The following NDUFS1 variants were observed in gnomAD, a reference collection of about 807,000 sequenced individuals.
The protein encoded by NDUFS1 is NADH:ubiquinone oxidoreductase core subunit S1, also known as NADH-ubiquinone oxidoreductase 75 kDa subunit, mitochondrial.
In NDUFS1, 61 loss-of-function variants were observed where a neutral mutation model predicts 84.4. That is an observed-to-expected ratio of 0.72 (90% CI 0.59 to 0.89). The LOEUF (loss-of-function observed/expected upper bound fraction) is 0.89. Ranked by LOEUF, NDUFS1 falls within the 40% of genes least tolerant of loss-of-function variation. The pLI, the probability that NDUFS1 is intolerant of heterozygous loss-of-function variation, is 0.00. For synonymous variants in NDUFS1, 275 were observed against 290.0 expected, an observed-to-expected ratio of 0.95 and a Z score of 0.53; for missense variants, 891 against 890.0, an observed-to-expected ratio of 1.00 and a Z score of -0.01.
intron 13 of NDUFS1, among the ~76,000 whole-genome samples, chr2:206,135,540 G>T (rs796450054): frequency 9.2e-5 from 14 of 152,024 alleles, no homozygotes; most frequent in African/African-American, 3.4e-4. Context: ...GGGCATGGTG[G>T]CGTGCGCCTG....
chr2:206,150,031 AT>A, intron 3 of NDUFS1, 106 bp from the exon 4 acceptor site: 1 of 699,694 alleles, frequency 1.4e-6, no homozygotes, highest in African/African-American at 1.8e-5. Flanking sequence ...ACTTCTATCT[AT>A]CTATCTATCT....
chr2:206,155,033 G>A (rs892654922), intron 1 of NDUFS1, among the ~76,000 whole-genome samples: 2 of 147,918 alleles, frequency 1.4e-5, no homozygotes, highest in African/African-American at 2.5e-5. Context: ...GGGTTCAAGC[G>A]ATTCTCCTGC....
chr2:206,159,281 C>T (rs1423801242), intron 1 of NDUFS1, 60 bp downstream of exon 1: 25 of 766,320 alleles, frequency 3.3e-5, no homozygotes, highest in Non-Finnish European at 5.3e-5. Context: ...GAAACAGTCC[C>T]GTCAATAAAT....
In NDUFS1 at chr2:206,150,186, C is replaced by T. The variant is rs115313242; in HGVS notation, c.154-261G>A. 2.5e-3 allele frequency among the ~76,000 whole-genome samples: 383 copies of T among 152,318 alleles called. 1 individual carries two copies. The highest frequency in any genetic ancestry group is 4.6e-3 in the Non-Finnish European group (313 of 68,036). On this transcript the variant is annotated intron_variant, in intron 3 of 18. Transcript: ENST00000233190. ...GGAAGAAACTGGATAAAGTATCCTT[C>T]CACTGTGCTGAAGACTTGACTTCCC...
intron 12 of NDUFS1, among the ~76,000 whole-genome samples, chr2:206,139,670 A>G (rs1249992534): frequency 6.6e-6 from 1 of 152,006 alleles, no homozygotes; most frequent in African/African-American, 2.4e-5. Context: ...TCCTCCAAAA[A>G]GTCATAAGTG....
intron 13 of NDUFS1, among the ~76,000 whole-genome samples, 196 bp downstream of exon 13, chr2:206,138,289 C>T (rs1352893833): frequency 6.6e-6 from 1 of 152,226 alleles, no homozygotes; most frequent in Admixed American, 6.5e-5. Context: ...CCGTGTTGCC[C>T]AGTCTGGTCT....
chr2:206,140,941 T>TAGACACACACACACACAC (rs757622422), intron 12 of NDUFS1, among the ~76,000 whole-genome samples: 4 of 67,056 alleles, frequency 6.0e-5, no homozygotes, highest in Non-Finnish European at 1.1e-4. Flanking sequence ...TATATATATA[T>TAGACACACACACACACAC]ATACACACAC....
chr2:206,133,946 C>G (rs1464661847), intron 13 of NDUFS1, among the ~76,000 whole-genome samples: 1 of 152,236 alleles, frequency 6.6e-6, no homozygotes, highest in Admixed American at 6.5e-5. Context: ...TGCCACTGCA[C>G]TCCGTCTGGG....
chr2:206,148,919 G>T, intron 5 of NDUFS1, 101 bp downstream of exon 5: 1 of 870,784 alleles, frequency 1.1e-6, no homozygotes, highest in Admixed American at 1.9e-5. Context: ...AACTTCTTCC[G>T]AGTTTGATAT....
Position 206,149,868 on chromosome 2 carries a change from C to T in NDUFS1, c.211G>A (p.Val71Ile). 1.3e-6 allele frequency: 2 copies of T among 1,573,142 alleles called. No individual in the cohort carries two copies. Among genetic ancestry groups the T allele is most frequent in the East Asian group, 2.4e-5 (1 of 41,850 alleles). The change falls in exon 4 of 19, where the codon GTT becomes ATT. Residue 71 changes from valine (V) to isoleucine (I), a missense_variant. Val to Ile is a conservative substitution (Grantham distance 29). Coordinates refer to ENST00000233190, the MANE Select transcript of NDUFS1 (RefSeq NM_005006.7). ...PRFCYHERLS[V>I]AGNCRMCLVE... ...AGGCACATCCTGCAGTTTCCAGCAA[C>T]AGACAACCTTTCATGATAACAGAAT...
chr2:206,117,838 AAATGCAGGTAT>A lies in NDUFS1; in HGVS notation c.*6336_*6346del, dbSNP rs1330278449. 1.3e-5 allele frequency: 2 copies of A among 152,194 alleles called. No homozygotes were observed. The highest frequency in any genetic ancestry group is 3.8e-4 in the East Asian group (2 of 5,198). The allele number at this position is 152,194 out of a possible 1,614,324, so 9.4% of individuals were successfully genotyped here. A position where few individuals can be genotyped will look rare whatever the true frequency, so the allele number is the denominator to read the frequency against. On this transcript the variant is annotated 3_prime_UTR_variant, in exon 19 of 19. Coordinates refer to ENST00000233190, the MANE Select transcript of NDUFS1 (RefSeq NM_005006.7). ...TCTGGCCTCCATTTCCACAATTATA[AAATGCAGGTAT>A]AATACTAAAATTTTTTTTTGTATAG...
At chr2:206,147,139 C>G in intron 7 of NDUFS1, 51 bp from the exon 8 acceptor site, 1 of 1,550,920 alleles carries the variant, frequency 6.4e-7, no homozygotes, top group South Asian at 1.1e-5. Flanking sequence ...AAAATTATTT[C>G]CTTTCTTATT....
chr2:206,156,494 G>A (rs1189254657), intron 1 of NDUFS1, among the ~76,000 whole-genome samples: 1 of 151,568 alleles, frequency 6.6e-6, no homozygotes, highest in Non-Finnish European at 1.5e-5. Flanking sequence ...AGCATGGCTT[G>A]AGCCCAGGTG....
Position 206,124,091 on chromosome 2 carries a change from A to ATT in NDUFS1, c.*92_*93dup, listed in dbSNP as rs200446477. 8.7e-6 allele frequency: 7 copies of ATT among 800,340 alleles called. No individual in the cohort carries two copies. Among genetic ancestry groups the ATT allele is most frequent in the Non-Finnish European group, 1.5e-5 (7 of 474,598 alleles). 49.6% of individuals were successfully genotyped at this position (800,340 alleles called of 1,614,324 possible). On this transcript the variant is annotated 3_prime_UTR_variant, in exon 19 of 19. Transcript: ENST00000233190. Reference sequence around the variant, plus strand: ...ATATTACATGATTCAAATTATTATTATTTTTTTTTACAAAGAAATAAACCT... The same window carrying ATT: ...ATATTACATGATTCAAATTATTATTATTTTTTTTTTTACAAAGAAATAAACCT...
chr2:206,152,798 C>T (rs892646007), intron 2 of NDUFS1, among the ~76,000 whole-genome samples: 3 of 150,808 alleles, frequency 2.0e-5, no homozygotes, highest in African/African-American at 4.9e-5. Flanking sequence ...TCCACCTCCC[C>T]GGTTCAAGCG....
chr2:206,149,110 G>GAAAA lies in NDUFS1; in HGVS notation c.262-18_262-15dup. 1 of 1,312,856 alleles carries GAAAA rather than the reference G, an allele frequency of 7.6e-7. No individual in the cohort carries two copies. The highest frequency in any genetic ancestry group is 1.0e-6 in the Non-Finnish European group (1 of 971,238). The allele number at this position is 1,312,856 out of a possible 1,614,324, so 81.3% of individuals were successfully genotyped here. ...AGCAGCTACAACCTGGGATTTCAAT[G>GAAAA]AAAAAAAAAAATGTGTATTTGTATT... On this transcript the variant is annotated splice_polypyrimidine_tract_variant and intron_variant, in intron 4 of 18. Transcript: ENST00000233190.
Position 206,152,508 on chromosome 2 carries a change from G to A in NDUFS1, c.64C>T (p.Arg22Ter), listed in dbSNP as rs750971390. Reference protein sequence around the residue: ...GLSKSPKGCVRTTATAASNLI... With the variant: ...GLSKSPKGCV ...TTGCTTGCTGCTGTGGCAGTTGTTC[G>A]AACTGACCATCAAAGATATTGAAGC... Residue 22 changes from arginine (R) to a stop codon, truncating the protein, a stop_gained and splice_region_variant, in exon 3 of 19, where the codon CGA (arginine) becomes TGA (stop). Coordinates refer to ENST00000233190, the MANE Select transcript of NDUFS1 (RefSeq NM_005006.7). LOFTEE classifies it high-confidence loss of function. 4.3e-6 allele frequency: 7 copies of A among 1,613,396 alleles called. No homozygotes were observed. The East Asian group carries it at 1.3e-4, about 31-fold the overall frequency.
chr2:206,156,042 T>C (rs1186693934), intron 1 of NDUFS1, among the ~76,000 whole-genome samples: 1 of 151,228 alleles, frequency 6.6e-6, no homozygotes, highest in African/African-American at 2.4e-5. Context: ...GGCAGGTGGA[T>C]CACGAGGTCA....
At chr2:206,138,887 C>T (rs1691826211) in intron 12 of NDUFS1, among the ~76,000 whole-genome samples, 1 of 152,120 alleles carries the variant, frequency 6.6e-6, no homozygotes, top group African/African-American at 2.4e-5. Flanking sequence ...GAGGCTAAGG[C>T]AGGTGGATTA....
Sources: allele counts gnomAD v4.1 joint callset (sites outside exome capture counted in the v4.1 genomes callset), GRCh38; gene constraint gnomAD v4.1.1; transcripts MANE v1.5; gene names NCBI Gene and HGNC (gene_info 2026-07-23, HGNC 2026-07-21).